Variants in ANO3 observed in about 807,000 individuals in gnomAD.
ANO3 encodes anoctamin 3.
In ANO3, 99 loss-of-function variants were observed where a neutral mutation model predicts 144.8. The observed-to-expected ratio is 0.68, with a 90% CI of 0.58 to 0.81. ANO3 has a LOEUF of 0.81. ANO3 is among the 30% of genes least tolerant of loss of function. The pLI is 0.00. For missense variants in ANO3, 905 were observed against 1,202.2 expected, an observed-to-expected ratio of 0.75 and a Z score of 3.66; for synonymous variants, 414 against 392.6, an observed-to-expected ratio of 1.05 and a Z score of -0.64.
chr11:26,507,372 TA>T (rs1861476999), intron 4 of ANO3, among the ~76,000 whole-genome samples: 1 of 152,186 alleles, frequency 6.6e-6, no homozygotes, highest in South Asian at 2.1e-4. Flanking sequence ...CAGAGACCAT[TA>T]AAAATAGCTT....
At chr11:26,415,857 T>C (rs998853476) in intron 1 of ANO3, among the ~76,000 whole-genome samples, 1 of 152,072 alleles carries the variant, frequency 6.6e-6, no homozygotes, top group African/African-American at 2.4e-5. Context: ...AAATAGATCA[T>C]TATTCTATAG....
chr11:26,658,204 CTA>C (rs1252004265), intron 26 of ANO3, among the ~76,000 whole-genome samples: 1 of 152,176 alleles, frequency 6.6e-6, no homozygotes, highest in Non-Finnish European at 1.5e-5. Flanking sequence ...ATTGAAGAGA[CTA>C]TCTTTTATTG....
At chr11:26,241,959 G>C (rs1466055107) in intron 1 of ANO3, among the ~76,000 whole-genome samples, 1 of 152,146 alleles carries the variant, frequency 6.6e-6, no homozygotes, top group African/African-American at 2.4e-5. Context: ...TTTTAGATGA[G>C]ATGCAAAATA....
intron 14 of ANO3, among the ~76,000 whole-genome samples, chr11:26,581,534 C>A (rs998415029): frequency 2.0e-5 from 3 of 151,478 alleles, no homozygotes; most frequent in African/African-American, 7.3e-5. Context: ...ACTAAAAATA[C>A]AAAAATTAGC....
chr11:26,578,416 G>C (rs957482495), intron 14 of ANO3, among the ~76,000 whole-genome samples: 1 of 152,208 alleles, frequency 6.6e-6, no homozygotes, highest in African/African-American at 2.4e-5. Flanking sequence ...GTGCTACATG[G>C]AAAGTGGGGT....
chr11:26,537,004 AAATT>A (rs1849526966), intron 9 of ANO3, among the ~76,000 whole-genome samples: 1 of 138,942 alleles, frequency 7.2e-6, no homozygotes, highest in African/African-American at 2.7e-5. Context: ...AATATCCTTT[AAATT>A]TTTTTTTTTT....
chr11:26,324,859 G>A (rs1479243879), intron 1 of ANO3, among the ~76,000 whole-genome samples: 1 of 152,122 alleles, frequency 6.6e-6, no homozygotes, highest in East Asian at 1.9e-4. Context: ...GCAAGTTTCT[G>A]GGTGATCACG....
intron 3 of ANO3, among the ~76,000 whole-genome samples, chr11:26,447,067 A>C (rs922088960): frequency 6.6e-6 from 1 of 151,916 alleles, no homozygotes; most frequent in Non-Finnish European, 1.5e-5. Context: ...TAATTAGTCA[A>C]GCACGGTGGC....
intron 7 of ANO3, among the ~76,000 whole-genome samples, chr11:26,530,367 CATTT>C (rs756746918): frequency 2.0e-5 from 3 of 151,496 alleles, no homozygotes; most frequent in Admixed American, 1.3e-4. Context: ...GTGTCACAGT[CATTT>C]ATTTATTTTC....
At chr11:26,231,090 G>A (rs987938956) in intron 1 of ANO3, among the ~76,000 whole-genome samples, 1 of 151,856 alleles carries the variant, frequency 6.6e-6, no homozygotes, top group Admixed American at 6.6e-5. Context: ...TGTTGGTCAG[G>A]CTGGTCTCAA....
intron 1 of ANO3, among the ~76,000 whole-genome samples, chr11:26,420,849 C>A (rs1327598936): frequency 6.6e-6 from 1 of 152,122 alleles, no homozygotes; most frequent in East Asian, 1.9e-4. Context: ...TACCAGGACT[C>A]TCTTACAATG....
chr11:26,654,431 A>G (rs1312017526), intron 24 of ANO3, among the ~76,000 whole-genome samples: 3 of 152,104 alleles, frequency 2.0e-5, no homozygotes, highest in Non-Finnish European at 4.4e-5. Context: ...GCTAGTATAT[A>G]GAAATATTTT....
intron 1 of ANO3, among the ~76,000 whole-genome samples, chr11:26,276,234 G>T (rs1458527145): frequency 6.6e-6 from 1 of 152,024 alleles, no homozygotes; most frequent in Non-Finnish European, 1.5e-5. Flanking sequence ...CGTTGCATAT[G>T]AGAAGAGTCA....
chr11:26,445,815 T>A (rs1047606521), intron 3 of ANO3, among the ~76,000 whole-genome samples: 1 of 151,970 alleles, frequency 6.6e-6, no homozygotes, highest in African/African-American at 2.4e-5. Flanking sequence ...GAGTGTTTTT[T>A]ATTATTTTAT....
At chr11:26,327,783 C>A (rs1030701181), upstream of ANO3, among the ~76,000 whole-genome samples, 4 of 152,162 alleles carry the variant, frequency 2.6e-5, no homozygotes, top group Non-Finnish European at 4.4e-5. Flanking sequence ...ACCTGTCATG[C>A]AATCACTACA....
At chr11:26,244,554 G>C (rs1441826655) in intron 1 of ANO3, among the ~76,000 whole-genome samples, 1 of 152,150 alleles carries the variant, frequency 6.6e-6, no homozygotes, top group Non-Finnish European at 1.5e-5. Context: ...AGAAAAACCT[G>C]AGAACTATGC....
At chr11:26,286,972 A>G (rs1156356693) in intron 1 of ANO3, among the ~76,000 whole-genome samples, 1 of 152,172 alleles carries the variant, frequency 6.6e-6, no homozygotes, top group Non-Finnish European at 1.5e-5. Context: ...AGGAGTTTAT[A>G]AACTTAACAA....
chr11:26,438,733 G>A (rs1329189742), intron 1 of ANO3, among the ~76,000 whole-genome samples: 1 of 148,168 alleles, frequency 6.7e-6, no homozygotes, highest in Non-Finnish European at 1.5e-5. Context: ...AGCTGAGATC[G>A]CACCACTGCA....
At chr11:26,649,465 G>A (rs1289456710) in intron 24 of ANO3, among the ~76,000 whole-genome samples, 3 of 152,146 alleles carry the variant, frequency 2.0e-5, no homozygotes, top group African/African-American at 7.2e-5. Context: ...TCGGCCGGGC[G>A]CGGTGGCTCA....
Sources: gnomAD v4.1 joint callset for allele counts (sites outside exome capture counted in the v4.1 genomes callset) on GRCh38, gnomAD v4.1.1 for gene constraint, MANE v1.5 for transcripts, NCBI Gene and HGNC (gene_info 2026-07-23, HGNC 2026-07-21) for gene names.